Variants in TMEM117 observed in about 807,000 individuals in gnomAD.
TMEM117 encodes transmembrane protein 117.
TMEM117 carries 27 observed loss-of-function variants against 52.4 expected under a neutral mutation model. That is an observed-to-expected ratio of 0.51 (90% CI 0.38 to 0.71). TMEM117 has a LOEUF of 0.71. Ranked by LOEUF, TMEM117 falls within the 30% of genes least tolerant of loss-of-function variation. TMEM117 has a pLI of 0.00. For synonymous variants in TMEM117, 215 were observed against 206.3 expected, an observed-to-expected ratio of 1.04 and a Z score of -0.36; for missense variants, 556 against 630.5, an observed-to-expected ratio of 0.88 and a Z score of 1.26.
chr12:44,355,579 T>C (rs754240062), intron 6 of TMEM117, among the ~76,000 whole-genome samples: 10 of 151,986 alleles, frequency 6.6e-5, no homozygotes, highest in Non-Finnish European at 1.3e-4. Context: ...ATAGAGAAGC[T>C]TGATATAAAT....
chr12:43,933,035 C>T (rs1944896475), intron 2 of TMEM117, among the ~76,000 whole-genome samples: 1 of 152,146 alleles, frequency 6.6e-6, no homozygotes, highest in Non-Finnish European at 1.5e-5. Flanking sequence ...GGAAATCAGC[C>T]TTCAGGGGAC....
chr12:44,054,415 C>G (rs17094029), intron 3 of TMEM117, among the ~76,000 whole-genome samples: 1 of 152,116 alleles, frequency 6.6e-6, no homozygotes, highest in African/African-American at 2.4e-5. Flanking sequence ...GCAAATCCCC[C>G]TGAATATATG....
At chr12:44,187,731 G>T (rs989562352) in intron 4 of TMEM117, among the ~76,000 whole-genome samples, 3 of 151,980 alleles carry the variant, frequency 2.0e-5, no homozygotes, top group Non-Finnish European at 2.9e-5. Flanking sequence ...AACCCTTTTG[G>T]CCACCAGTAT....
At position 43,969,356 on chromosome 12, in the gene TMEM117, T is replaced by TAAAAAAAAA. The variant is rs1166788465; in HGVS notation, c.410+25023_410+25031dup. Among the ~76,000 whole-genome samples, 37 of 79,540 alleles carry TAAAAAAAAA rather than the reference T, an allele frequency of 4.7e-4. 1 individual carries two copies. Among genetic ancestry groups the TAAAAAAAAA allele is most frequent in the African/African-American group, 7.9e-4 (11 of 13,892 alleles). 52.2% of individuals were successfully genotyped at this position (79,540 alleles called of 152,430 possible). A position where few individuals can be genotyped will look rare whatever the true frequency, so the allele number is the denominator to read the frequency against. On this transcript the variant is annotated intron_variant, in intron 3 of 7. Transcript: ENST00000266534. ...CAAGATGGTGAAACCCCGTCTCTAC[T>TAAAAAAAAA]AAAAAAAAAAAAAAAAATTAGCCAG... is the stretch of plus-strand genomic sequence containing the variant.
intron 6 of TMEM117, among the ~76,000 whole-genome samples, chr12:44,359,381 A>G (rs1592717054): frequency 6.6e-6 from 1 of 152,088 alleles, no homozygotes. Flanking sequence ...CTAATTTGAT[A>G]TATTACCTTA....
At chr12:43,860,999 A>G (rs570276296) in intron 2 of TMEM117, among the ~76,000 whole-genome samples, 2 of 151,976 alleles carry the variant, frequency 1.3e-5, no homozygotes, top group South Asian at 2.1e-4. Flanking sequence ...GGGGCTGTCC[A>G]CCTCACCTCC....
intron 2 of TMEM117, among the ~76,000 whole-genome samples, chr12:43,925,673 C>T (rs1352548832): frequency 6.6e-6 from 1 of 152,128 alleles, no homozygotes; most frequent in African/African-American, 2.4e-5. Flanking sequence ...TATTTAAAAA[C>T]CTGTGCTTAT....
intron 2 of TMEM117, among the ~76,000 whole-genome samples, chr12:43,911,255 C>T: frequency 1.7e-5 from 1 of 58,022 alleles, no homozygotes; most frequent in African/African-American, 3.4e-5. Flanking sequence ...AAAGGATTCC[C>T]TATTTAATAA....
intron 2 of TMEM117, among the ~76,000 whole-genome samples, chr12:43,891,367 A>ATTTTTTTTTCTT (rs1944100565): frequency 1.7e-5 from 1 of 57,804 alleles, no homozygotes; most frequent in African/African-American, 5.9e-5. Context: ...TACCTCTTGA[A>ATTTTTTTTTCTT]TTTTTTTTTT....
chr12:43,797,577 T>C, the TMEM117 span: 2 of 1,414,318 alleles, frequency 1.4e-6, no homozygotes, highest in South Asian at 1.5e-5. Flanking sequence ...TTTTTCACAA[T>C]GAACATTTAC....
At chr12:44,044,981 T>C (rs115087531) in intron 3 of TMEM117, among the ~76,000 whole-genome samples, 282 of 152,340 alleles carry the variant, frequency 1.9e-3, no homozygotes, top group African/African-American at 6.4e-3. Flanking sequence ...GGAAGAGATA[T>C]GTGGATGGAA....
At chr12:44,368,527 G>C (rs1309306480) in intron 6 of TMEM117, among the ~76,000 whole-genome samples, 1 of 151,726 alleles carries the variant, frequency 6.6e-6, no homozygotes, top group African/African-American at 2.4e-5. Context: ...TTTTTTCATG[G>C]AGAAAAATGA....
intron 5 of TMEM117, among the ~76,000 whole-genome samples, chr12:44,223,774 G>A (rs983148142): frequency 6.6e-5 from 10 of 152,076 alleles, no homozygotes; most frequent in South Asian, 2.1e-4. Context: ...GCTTATACAG[G>A]CTGACTTGTG....
intron 4 of TMEM117, among the ~76,000 whole-genome samples, chr12:44,151,603 T>A (rs1009286624): frequency 4.0e-5 from 6 of 148,874 alleles, no homozygotes; most frequent in African/African-American, 1.5e-4. Context: ...TGAAGAACTT[T>A]GAATAAAGCC....
chr12:43,807,945 T>G, the TMEM117 span, among the ~76,000 whole-genome samples: 1 of 152,236 alleles, frequency 6.6e-6, no homozygotes, highest in African/African-American at 2.4e-5. Context: ...GTTTACAGTT[T>G]ACAAATAATA....
At chr12:44,277,023 T>C (rs1253665684) in intron 5 of TMEM117, among the ~76,000 whole-genome samples, 2 of 152,072 alleles carry the variant, frequency 1.3e-5, no homozygotes, top group Non-Finnish European at 2.9e-5. Context: ...CATTTTAATA[T>C]GCCTGGATGG....
At chr12:44,074,800 A>C (rs1001305759) in intron 3 of TMEM117, among the ~76,000 whole-genome samples, 11 of 152,306 alleles carry the variant, frequency 7.2e-5, no homozygotes, top group Non-Finnish European at 1.5e-4. Context: ...TCAGAGGAGG[A>C]GGCAAATTCA....
intron 3 of TMEM117, among the ~76,000 whole-genome samples, chr12:43,949,746 T>C (rs917691682): frequency 6.6e-6 from 1 of 152,186 alleles, no homozygotes; most frequent in African/African-American, 2.4e-5. Flanking sequence ...TGCTCATGTC[T>C]GCCTAGCTAC....
chr12:44,008,824 A>G, intron 3 of TMEM117: 1 of 439,624 alleles, frequency 2.3e-6, no homozygotes, highest in East Asian at 6.7e-5. Context: ...TCTCTCCCAT[A>G]TGAATTATTT....
Sources: allele counts gnomAD v4.1 joint callset (sites outside exome capture counted in the v4.1 genomes callset), GRCh38; gene constraint gnomAD v4.1.1; transcripts MANE v1.5; gene names NCBI Gene and HGNC (gene_info 2026-07-23, HGNC 2026-07-21).